The following MACROD2 variants were observed in gnomAD, a reference collection of about 807,000 sequenced individuals.
The protein encoded by MACROD2 is mono-ADP ribosylhydrolase 2, also known as ADP-ribose glycohydrolase MACROD2.
Under a neutral mutation model 70.4 loss-of-function variants are expected in MACROD2, and 36 were observed. The ratio of observed to expected loss-of-function variants is 0.51; its 90% CI spans 0.39 to 0.68. The LOEUF is 0.68. Ranked by LOEUF, MACROD2 falls within the 30% of genes least tolerant of loss-of-function variation. The pLI, the probability that MACROD2 is intolerant of heterozygous loss-of-function variation, is 0.00. For missense variants in MACROD2, 496 were observed against 538.4 expected (o/e 0.92, Z 0.78); for synonymous variants, 172 against 178.8 (o/e 0.96, Z 0.30).
intron 5 of MACROD2, among the ~76,000 whole-genome samples, chr20:15,080,136 AAATAAAT>A (rs1395856543): frequency 7.1e-6 from 1 of 140,758 alleles, no homozygotes; most frequent in Non-Finnish European, 1.6e-5. Flanking sequence ...ATAAATAAAT[AAATAAAT>A]AAATAAATAA....
intron 8 of MACROD2, among the ~76,000 whole-genome samples, chr20:15,832,244 G>T (rs1200668443): frequency 6.6e-6 from 1 of 152,162 alleles, no homozygotes; most frequent in East Asian, 1.9e-4. Context: ...CACAAAGTTA[G>T]AAATAAGAGA....
intron 3 of MACROD2, among the ~76,000 whole-genome samples, chr20:14,177,952 T>C (rs908950183): frequency 6.6e-6 from 1 of 152,190 alleles, no homozygotes; most frequent in Admixed American, 6.5e-5. Context: ...GGAAAGGCTT[T>C]TTAACTCTGA....
intron 8 of MACROD2, among the ~76,000 whole-genome samples, chr20:15,558,728 GA>G (rs776747936): frequency 7.9e-5 from 12 of 152,186 alleles, no homozygotes; most frequent in Admixed American, 3.3e-4. Flanking sequence ...TGTTGGTTAG[GA>G]AAGAAAACTT....
chr20:15,440,857 C>T (rs2046486321), intron 7 of MACROD2, among the ~76,000 whole-genome samples: 1 of 152,168 alleles, frequency 6.6e-6, no homozygotes, highest in South Asian at 2.1e-4. Flanking sequence ...AACTTACTCT[C>T]AGGTGGTCTA....
At chr20:14,587,396 A>C (rs563042112) in intron 4 of MACROD2, among the ~76,000 whole-genome samples, 1 of 151,822 alleles carries the variant, frequency 6.6e-6, no homozygotes, top group Non-Finnish European at 1.5e-5. Context: ...TCAATGAATT[A>C]ATTATTATTG....
At position 15,397,661 on chromosome 20, in the gene MACROD2, G is replaced by T. The variant is rs1481338303; in HGVS notation, c.541-33744G>T. On this transcript the variant is annotated intron_variant, in intron 6 of 17. Coordinates refer to ENST00000684519, the MANE Select transcript of MACROD2 (RefSeq NM_001351661.2). ...CTTTTTAAAATCAAGGTAGATCTTA[G>T]AAGTGAAAGAAGATATAAGAATTTT... is the stretch of plus-strand genomic sequence containing the variant. Among the ~76,000 whole-genome samples, 10 of 152,134 alleles carry T rather than the reference G, an allele frequency of 6.6e-5. No individual in the cohort carries two copies. The South Asian group carries it at 1.9e-3, about 28-fold the overall frequency.
chr20:14,842,720 T>A (rs993901345), intron 5 of MACROD2, among the ~76,000 whole-genome samples: 3 of 152,270 alleles, frequency 2.0e-5, no homozygotes, highest in Non-Finnish European at 4.4e-5. Context: ...TCTTTTTCTA[T>A]CTCTACAGTT....
chr20:14,594,243 C>G (rs562557331), intron 4 of MACROD2, among the ~76,000 whole-genome samples: 2 of 152,308 alleles, frequency 1.3e-5, no homozygotes, highest in African/African-American at 4.8e-5. Context: ...GCCTAATACT[C>G]ACTCATCTGT....
In MACROD2 at chr20:15,205,346, C is replaced by A. The variant is rs569242810; in HGVS notation, c.419-24594C>A. Among the ~76,000 whole-genome samples, 17 of 152,024 alleles carry A rather than the reference C, an allele frequency of 1.1e-4. 1 individual carries two copies. The South Asian group carries it at 3.5e-3, about 32-fold the overall frequency. ...ATGATCATACTGTTAAAGTGTGAGT[C>A]CAAGTAAACCCAAAAACTAAATCAC... On this transcript the variant is annotated intron_variant, in intron 5 of 17. Transcript: ENST00000684519.
chr20:15,909,974 T>G (rs937848745), intron 10 of MACROD2, among the ~76,000 whole-genome samples: 1 of 152,088 alleles, frequency 6.6e-6, no homozygotes, highest in Non-Finnish European at 1.5e-5. Flanking sequence ...GATTTCTGAG[T>G]GAGAAGATCA....
chr20:15,378,374 A>T (rs2045594587), intron 6 of MACROD2, among the ~76,000 whole-genome samples: 1 of 151,462 alleles, frequency 6.6e-6, no homozygotes, highest in South Asian at 2.1e-4. Context: ...GCATGAGGAG[A>T]TGATACTGTG....
At chr20:14,940,278 G>A (rs766432413) in intron 5 of MACROD2, among the ~76,000 whole-genome samples, 9 of 151,918 alleles carry the variant, frequency 5.9e-5, no homozygotes, top group Admixed American at 2.6e-4. Context: ...AGGCTGCAGC[G>A]AGAGGTGATC....
chr20:15,858,359 G>T (rs2064382096), intron 8 of MACROD2, among the ~76,000 whole-genome samples: 1 of 152,088 alleles, frequency 6.6e-6, no homozygotes, highest in African/African-American at 2.4e-5. Context: ...ATTTATCTGG[G>T]GCTAGTATGG....
chr20:15,358,597 C>T (rs1218674620), intron 6 of MACROD2, among the ~76,000 whole-genome samples: 1 of 152,090 alleles, frequency 6.6e-6, no homozygotes, highest in African/African-American at 2.4e-5. Flanking sequence ...TATTCTTCTG[C>T]AAGAGATGCT....
intron 4 of MACROD2, among the ~76,000 whole-genome samples, chr20:14,634,614 C>A (rs2123479023): frequency 7.0e-6 from 1 of 142,352 alleles, no homozygotes; most frequent in Non-Finnish European, 1.5e-5. Context: ...AGAATTTGGG[C>A]AAATCAGGAC....
chr20:14,144,646 T>C (rs765719085), intron 3 of MACROD2, among the ~76,000 whole-genome samples: 1 of 152,254 alleles, frequency 6.6e-6, no homozygotes, highest in Non-Finnish European at 1.5e-5. Context: ...ATTATAATTT[T>C]AAGTTCTATA....
intron 5 of MACROD2, among the ~76,000 whole-genome samples, chr20:14,818,627 A>G (rs2072801272): frequency 1.3e-5 from 2 of 152,038 alleles, no homozygotes; most frequent in Admixed American, 1.3e-4. Flanking sequence ...AAAGGATGCC[A>G]ACTAGCATAT....
chr20:14,228,745 T>C (rs912971281), intron 3 of MACROD2, among the ~76,000 whole-genome samples: 9 of 152,300 alleles, frequency 5.9e-5, no homozygotes, highest in African/African-American at 2.2e-4. Flanking sequence ...AGGTGGCTCA[T>C]GCCTGTAATC....
chr20:15,479,644 G>T (rs1416123554), intron 7 of MACROD2, among the ~76,000 whole-genome samples: 2 of 152,188 alleles, frequency 1.3e-5, no homozygotes, highest in Non-Finnish European at 2.9e-5. Context: ...AAGCACTGCT[G>T]ATTGGAGATG....
Sources: gnomAD v4.1 joint callset for allele counts (sites outside exome capture counted in the v4.1 genomes callset) on GRCh38, gnomAD v4.1.1 for gene constraint, MANE v1.5 for transcripts, NCBI Gene and HGNC (gene_info 2026-07-23, HGNC 2026-07-21) for gene names.